TASP1: variants seen among roughly 807,000 people sequenced by gnomAD.
TASP1 encodes the protein taspase 1, also known as threonine aspartase 1.
In TASP1, 16 loss-of-function variants were observed where a neutral mutation model predicts 56.6. The ratio of observed to expected loss-of-function variants is 0.28; its 90% CI spans 0.19 to 0.43. TASP1 has a LOEUF of 0.43. TASP1 is among the 20% of genes least tolerant of loss of function. The pLI, the probability that TASP1 is intolerant of heterozygous loss-of-function variation, is 1.00. For synonymous variants in TASP1, 179 were observed against 184.2 expected (o/e 0.97, Z 0.23); for missense variants, 393 against 511.6 (o/e 0.77, Z 2.24).
At chr20:13,295,229 C>G in the TASP1 span, among the ~76,000 whole-genome samples, 1 of 152,264 alleles carries the variant, frequency 6.6e-6, no homozygotes, top group East Asian at 1.9e-4. Context: ...CTGTTTCCTC[C>G]CAGAGTATCT....
At chr20:13,440,035 T>C (rs922150605) in intron 11 of TASP1, among the ~76,000 whole-genome samples, 11 of 152,076 alleles carry the variant, frequency 7.2e-5, no homozygotes, top group African/African-American at 2.7e-4. Context: ...CTAAAAACTT[T>C]CAAATGGGAA....
intron 4 of TASP1, among the ~76,000 whole-genome samples, chr20:13,613,288 A>C (rs2048411591): frequency 6.6e-6 from 1 of 152,180 alleles, no homozygotes; most frequent in African/African-American, 2.4e-5. Context: ...CAAGGTCAGA[A>C]AGAAGCTAGA....
chr20:13,507,137 A>G (rs2044162123), intron 10 of TASP1, among the ~76,000 whole-genome samples: 1 of 152,204 alleles, frequency 6.6e-6, no homozygotes, highest in South Asian at 2.1e-4. Context: ...AAATATCCAA[A>G]AAGATATTAA....
intron 11 of TASP1, among the ~76,000 whole-genome samples, chr20:13,467,186 T>C (rs200126506): frequency 1.4e-5 from 2 of 146,878 alleles, no homozygotes; most frequent in African/African-American, 5.0e-5. Context: ...ACACATACAA[T>C]ACACACACAC....
the TASP1 span, among the ~76,000 whole-genome samples, chr20:13,106,000 T>G: frequency 6.6e-6 from 1 of 152,148 alleles, no homozygotes; most frequent in East Asian, 1.9e-4. Flanking sequence ...AACTGAAAAT[T>G]TCAAAACAAG....
In TASP1 at chr20:13,588,250, A is replaced by G. The variant is rs112623276; in HGVS notation, c.283-880T>C. On this transcript the variant is annotated intron_variant, in intron 4 of 13. Coordinates refer to ENST00000337743, the MANE Select transcript of TASP1 (RefSeq NM_017714.3). Reference sequence around the variant, plus strand: ...AAAAAGGAGAAAGAAAGAAAGGAAGAAAGGAAGGAAGGAAGGAAGGAAGGA... The same window carrying G: ...AAAAAGGAGAAAGAAAGAAAGGAAGGAAGGAAGGAAGGAAGGAAGGAAGGA... Among the ~76,000 whole-genome samples the G allele has an allele frequency of 9.2e-3, 886 of 96,638 alleles. 19 individuals are homozygous for G. Among genetic ancestry groups the G allele is most frequent in the African/African-American group, 0.034 (816 of 24,048 alleles). The allele number at this position is 96,638 out of a possible 152,430, so 63.4% of individuals were successfully genotyped here.
At chr20:13,233,047 C>T in the TASP1 span, among the ~76,000 whole-genome samples, 143 of 151,974 alleles carry the variant, frequency 9.4e-4, no homozygotes, top group Admixed American at 2.0e-3. Flanking sequence ...GAAAACAGGC[C>T]GGAAAAGTGT....
the TASP1 span, among the ~76,000 whole-genome samples, chr20:13,382,518 C>T: frequency 3.9e-5 from 6 of 152,088 alleles, no homozygotes; most frequent in African/African-American, 1.4e-4. Context: ...TCATGGTGTA[C>T]ACCTGTAGTC....
the TASP1 span, among the ~76,000 whole-genome samples, chr20:13,201,827 C>G: frequency 7.3e-5 from 11 of 150,830 alleles, no homozygotes; most frequent in Non-Finnish European, 1.6e-4. Flanking sequence ...CATCTCGGCT[C>G]ACTGCAACCT....
chr20:13,187,599 T>C, the TASP1 span, among the ~76,000 whole-genome samples: 5 of 151,680 alleles, frequency 3.3e-5, no homozygotes, highest in Admixed American at 3.3e-4. Flanking sequence ...AATACAAAAA[T>C]TAGCTGGGCG....
chr20:13,412,418 T>G (rs2042122700), intron 13 of TASP1, among the ~76,000 whole-genome samples: 2 of 152,224 alleles, frequency 1.3e-5, no homozygotes, highest in African/African-American at 4.8e-5. Context: ...TAATAACTTC[T>G]CTGGATACTT....
the TASP1 span, chr20:13,117,564 G>A: frequency 6.2e-7 from 1 of 1,613,334 alleles, no homozygotes; most frequent in Non-Finnish European, 8.5e-7. Flanking sequence ...GAAATACAAG[G>A]CTTACCTCTA....
chr20:13,603,004 GTGGATCACC>G (rs917059856), intron 4 of TASP1, among the ~76,000 whole-genome samples: 2 of 152,128 alleles, frequency 1.3e-5, no homozygotes, highest in African/African-American at 2.4e-5. Flanking sequence ...GCCGAGGCAG[GTGGATCACC>G]TGAGGTCAGG....
intron 4 of TASP1, among the ~76,000 whole-genome samples, chr20:13,604,987 CATAT>C (rs3042652): frequency 0.054 from 7,562 of 140,344 alleles, 204 homozygotes; most frequent in Non-Finnish European, 0.063. Context: ...AGACATAATA[CATAT>C]ATATATATAT....
the TASP1 span, among the ~76,000 whole-genome samples, chr20:13,151,049 C>T: frequency 6.6e-6 from 1 of 152,180 alleles, no homozygotes; most frequent in Non-Finnish European, 1.5e-5. Context: ...TCTCACTAGA[C>T]TATAAGCTCT....
At chr20:13,388,500 GT>G (rs1397958289), downstream of TASP1, among the ~76,000 whole-genome samples, 12 of 152,124 alleles carry the variant, frequency 7.9e-5, no homozygotes, top group Non-Finnish European at 1.5e-4. Context: ...AATAAAAGGG[GT>G]CCTTAACAAG....
intron 7 of TASP1, among the ~76,000 whole-genome samples, chr20:13,564,094 T>C (rs1309523460): frequency 6.6e-6 from 1 of 152,004 alleles, no homozygotes; most frequent in Non-Finnish European, 1.5e-5. Flanking sequence ...GCCAAGGCAA[T>C]TAGGCAAGGA....
At chr20:13,370,073 G>A in the TASP1 span, among the ~76,000 whole-genome samples, 1 of 152,162 alleles carries the variant, frequency 6.6e-6, no homozygotes, top group Admixed American at 6.5e-5. Context: ...CAGGAGGATT[G>A]CAATATGAAT....
chr20:13,303,120 T>TTCTTGGTC, the TASP1 span, among the ~76,000 whole-genome samples: 18 of 152,334 alleles, frequency 1.2e-4, no homozygotes, highest in Non-Finnish European at 2.4e-4. Context: ...CAAGGTTAGC[T>TTCTTGGTC]AACTTGTTCA....
Sources: allele counts gnomAD v4.1 joint callset (sites outside exome capture counted in the v4.1 genomes callset), GRCh38; gene constraint gnomAD v4.1.1; transcripts MANE v1.5; gene names NCBI Gene and HGNC (gene_info 2026-07-23, HGNC 2026-07-21).